MGST1: variants seen among roughly 807,000 people sequenced by gnomAD.
MGST1 encodes microsomal glutathione S-transferase 1.
In MGST1, 5 loss-of-function variants were observed where a neutral mutation model predicts 8.9. The ratio of observed to expected loss-of-function variants is 0.56; its 90% CI spans 0.29 to 1.19. MGST1 has a LOEUF of 1.19. MGST1 is among the 50% of genes most tolerant of loss of function. MGST1 has a pLI of 0.08. For synonymous variants in MGST1, 54 were observed against 67.8 expected (o/e 0.80, Z 1.00); for missense variants, 182 against 187.4 (o/e 0.97, Z 0.17).
intron 1 of MGST1, among the ~76,000 whole-genome samples, chr12:16,433,267 A>G (rs1940955242): frequency 6.6e-6 from 1 of 152,038 alleles, no homozygotes; most frequent in South Asian, 2.1e-4. Context: ...GATTGTGCCC[A>G]CCCAGACTGA....
chr12:16,514,069 G>A, intron 4 of MGST1: 1 of 380,298 alleles, frequency 2.6e-6, no homozygotes, highest in Admixed American at 3.4e-5. Flanking sequence ...GAAGGAAATA[G>A]CAACAGTGGT....
intron 4 of MGST1, among the ~76,000 whole-genome samples, chr12:16,574,831 C>T (rs1346552086): frequency 6.6e-6 from 1 of 152,120 alleles, no homozygotes; most frequent in Non-Finnish European, 1.5e-5. Context: ...AGTGGGGAAA[C>T]AGAAGTATAG....
At chr12:16,479,151 G>GT (rs1369078927) in intron 4 of MGST1, among the ~76,000 whole-genome samples, 2 of 147,292 alleles carry the variant, frequency 1.4e-5, no homozygotes, top group African/African-American at 5.0e-5. Flanking sequence ...ATTAAAGTAT[G>GT]TTTCTGTGCT....
Position 16,555,265 on chromosome 12 carries a change from A to G in MGST1, n.483-34263A>G, listed in dbSNP as rs1942152375. On this transcript the variant is annotated intron_variant and non_coding_transcript_variant, in intron 4 of 4. Coordinates refer to the MGST1 transcript ENST00000538857. This position sits in a 1 kb window ranked among gnomAD's most constrained non-coding sequence, Gnocchi z 5.5. ...TTTTCTGTCTACTTAAATTGTAACA[A>G]TCCTTGAGTTCCCATTGCCTCCATC... Among the ~76,000 whole-genome samples the G allele has an allele frequency of 6.6e-6, 1 of 152,170 alleles. No homozygotes were observed. The highest frequency in any genetic ancestry group is 2.1e-4 in the South Asian group (1 of 4,832).
intron 4 of MGST1, among the ~76,000 whole-genome samples, chr12:16,474,597 C>T (rs1040723536): frequency 2.0e-5 from 3 of 152,174 alleles, no homozygotes; most frequent in African/African-American, 7.2e-5. Flanking sequence ...TTGCTCTACT[C>T]CCCACTGAAC....
chr12:16,451,813 A>G (rs372097648), intron 4 of MGST1, among the ~76,000 whole-genome samples: 18 of 152,056 alleles, frequency 1.2e-4, no homozygotes, highest in Middle Eastern at 3.4e-3. Flanking sequence ...TATTTCAATA[A>G]GTAATCAATT....
intron 4 of MGST1, among the ~76,000 whole-genome samples, chr12:16,529,972 T>C (rs1018124276): frequency 6.6e-6 from 1 of 152,136 alleles, no homozygotes; most frequent in Non-Finnish European, 1.5e-5. Flanking sequence ...TGATTATAAG[T>C]TTCTGCAAAT....
intron 1 of MGST1, among the ~76,000 whole-genome samples, chr12:16,435,471 A>T (rs1057165224): frequency 6.6e-6 from 1 of 151,974 alleles, no homozygotes; most frequent in South Asian, 2.1e-4. Flanking sequence ...GCTGAAACAT[A>T]TATCATTTCA....
intron 1 of MGST1, chr12:16,399,433 C>T (rs1940633948): frequency 1.3e-6 from 2 of 1,538,454 alleles, no homozygotes; most frequent in East Asian, 4.5e-5. Context: ...TCTTGGTCCG[C>T]TTTTCGGGCT....
At chr12:16,551,118 C>A in intron 4 of MGST1, 1 of 745,018 alleles carries the variant, frequency 1.3e-6, no homozygotes, top group Non-Finnish European at 2.4e-6. Context: ...CTTCCTATAT[C>A]TACGCTATTC....
At position 16,389,071 on chromosome 12, in the gene MGST1, A is replaced by ATTTG. The variant is rs911851922; in HGVS notation, n.778+5468_778+5469insTTGT. Among the ~76,000 whole-genome samples the ATTTG allele has an allele frequency of 2.0e-5, 3 of 152,246 alleles. No individual in the cohort carries two copies. The highest frequency in any genetic ancestry group is 4.4e-5 in the Non-Finnish European group (3 of 68,040). ...AATCTTGTAAAGTGCCACTTTGCGT[A>ATTTG]TCTGAAGACAAATACAGGTGGCATA... is the stretch of plus-strand genomic sequence containing the variant. On this transcript the variant is annotated intron_variant and non_coding_transcript_variant, in intron 1 of 1. Coordinates refer to the MGST1 transcript ENST00000359720. This position sits in a 1 kb window ranked among gnomAD's most constrained non-coding sequence, Gnocchi z 4.6.
At position 16,401,259 on chromosome 12, in the gene MGST1, G is replaced by A. The variant is rs1940653407; in HGVS notation, n.778+17655G>A. 6.4e-7 allele frequency: 1 copy of A among 1,564,702 alleles called. No homozygotes were observed. The highest frequency in any genetic ancestry group is 8.8e-7 in the Non-Finnish European group (1 of 1,138,020). Reference sequence around the variant, plus strand: ...TCTCTTCTGGCTTTTTCCCCTCCTTGTTAGTCAGGTCTGAGAATCCCAAAC... The same window carrying A: ...TCTCTTCTGGCTTTTTCCCCTCCTTATTAGTCAGGTCTGAGAATCCCAAAC... On this transcript the variant is annotated intron_variant and non_coding_transcript_variant, in intron 1 of 1. Transcript: ENST00000359720. The surrounding 1 kb of genome is among the most constrained non-coding windows in gnomAD (Gnocchi z 4.3).
intron 4 of MGST1, among the ~76,000 whole-genome samples, chr12:16,451,377 A>G (rs1941127613): frequency 6.6e-6 from 1 of 151,914 alleles, no homozygotes; most frequent in Non-Finnish European, 1.5e-5. Flanking sequence ...CTGTCCACAT[A>G]CAATATTATA....
intron 4 of MGST1, among the ~76,000 whole-genome samples, chr12:16,455,311 C>G (rs575423763): frequency 6.6e-6 from 1 of 151,946 alleles, no homozygotes; most frequent in East Asian, 1.9e-4. Context: ...CTATTTTGAT[C>G]TCCATTTTTA....
At chr12:16,515,343 C>A (rs1432217829) in intron 4 of MGST1, among the ~76,000 whole-genome samples, 1 of 152,120 alleles carries the variant, frequency 6.6e-6, no homozygotes, top group Non-Finnish European at 1.5e-5. Context: ...CAACCCCATC[C>A]TATCGGGATT....
Position 16,401,023 on chromosome 12 carries a change from T to C in MGST1, n.778+17419T>C. 6.3e-7 allele frequency: 1 copy of C among 1,578,622 alleles called. No homozygotes were observed. The highest frequency in any genetic ancestry group is 1.7e-5 in the Admixed American group (1 of 59,944). On this transcript the variant is annotated intron_variant and non_coding_transcript_variant, in intron 1 of 1. Transcript: ENST00000359720. The surrounding 1 kb of genome is among the most constrained non-coding windows in gnomAD (Gnocchi z 4.3). ...CTCTTCACTTCTCTTCTGCAGTCAT[T>C]TCATTCCTGTTCTTTCTGTAAGTAA...
chr12:16,570,979 C>G (rs1942793257), intron 4 of MGST1, among the ~76,000 whole-genome samples: 1 of 152,058 alleles, frequency 6.6e-6, no homozygotes, highest in Admixed American at 6.6e-5. Context: ...CACATGTATA[C>G]ATATGTAACT....
At chr12:16,358,660 G>A (rs1028713384) in intron 3 of MGST1, among the ~76,000 whole-genome samples, 3 of 151,554 alleles carry the variant, frequency 2.0e-5, no homozygotes, top group African/African-American at 7.3e-5. Context: ...TAGAGGCTGG[G>A]TTTCACCATG....
intron 1 of MGST1, among the ~76,000 whole-genome samples, chr12:16,411,452 T>C (rs1272417763): frequency 6.6e-6 from 1 of 152,238 alleles, no homozygotes; most frequent in African/African-American, 2.4e-5. Context: ...TTGCCTATGA[T>C]ATTTTTGTGT....
Sources: gnomAD v4.1 joint callset for allele counts (sites outside exome capture counted in the v4.1 genomes callset) on GRCh38, gnomAD v4.1.1 for gene constraint, Gnocchi (gnomAD v3.1) non-coding constraint, MANE v1.5 for transcripts, NCBI Gene and HGNC (gene_info 2026-07-23, HGNC 2026-07-21) for gene names.